Variants in ASH1L observed in about 807,000 individuals in gnomAD.
ASH1L encodes the protein ASH1 like histone lysine methyltransferase.
ASH1L carries 23 observed loss-of-function variants against 269.0 expected under a neutral mutation model. That is an observed-to-expected ratio of 0.09 (90% CI 0.06 to 0.12). The LOEUF is 0.12. Ranked by LOEUF, ASH1L falls within the 10% of genes least tolerant of loss-of-function variation. The pLI is 1.00. For missense variants in ASH1L, 2,912 were observed against 3,567.8 expected, an observed-to-expected ratio of 0.82 and a Z score of 4.68; for synonymous variants, 1,187 against 1,253.5, an observed-to-expected ratio of 0.95 and a Z score of 1.12.
At chr1:155,563,053 C>T (rs1357818578), upstream of ASH1L, 2 of 458,720 alleles carry the variant, frequency 4.4e-6, no homozygotes, top group Non-Finnish European at 8.8e-6. Flanking sequence ...AATGGCGGAC[C>T]GAGCCCCACG....
At chr1:155,519,308 C>G (rs535397183) in intron 2 of ASH1L, among the ~76,000 whole-genome samples, 1 of 151,990 alleles carries the variant, frequency 6.6e-6, no homozygotes, top group African/African-American at 2.4e-5. Flanking sequence ...TGGTGGCACA[C>G]GCCTGTAATC....
chr1:155,467,182 A>G (rs1172318272), intron 3 of ASH1L, among the ~76,000 whole-genome samples: 3 of 152,212 alleles, frequency 2.0e-5, no homozygotes, highest in African/African-American at 7.2e-5. Flanking sequence ...TGTCATGTGT[A>G]GCCAGCCATG....
At chr1:155,512,057 C>T (rs1668194757) in intron 2 of ASH1L, among the ~76,000 whole-genome samples, 1 of 152,118 alleles carries the variant, frequency 6.6e-6, no homozygotes, top group Admixed American at 6.5e-5. Flanking sequence ...GGTGATCCAC[C>T]CGCCTGGGTC....
Position 155,352,718 on chromosome 1 carries a change from T to G in ASH1L, c.7354A>C (p.Ile2452Leu). 1 of 1,608,380 alleles carries G rather than the reference T, an allele frequency of 6.2e-7. No homozygotes were observed. Among genetic ancestry groups the G allele is most frequent in the Non-Finnish European group, 8.5e-7 (1 of 1,178,486 alleles). ...QIFKEICDGIISYKDSSRQAL... is the reference protein window; with the variant it reads ...QIFKEICDGILSYKDSSRQAL... ...TGGTTATAGTCACCTTTATAAGAGA[T>G]GATACCATCACAAATTTCTTTGAAG... Residue 2452 changes from isoleucine to leucine, a missense_variant, in exon 17 of 28, where the codon ATC (isoleucine) becomes CTC (leucine). By Grantham distance (5) the Ile-to-Leu change is conservative. Transcript: ENST00000392403.
Position 155,374,097 on chromosome 1 carries a change from G to C in ASH1L, c.6333-3114C>G, listed in dbSNP as rs549019419. Among the ~76,000 whole-genome samples the C allele has an allele frequency of 5.3e-5, 8 of 152,338 alleles. No homozygotes were observed. In the South Asian group the frequency reaches 1.7e-3, roughly 32 times the overall value. On this transcript the variant is annotated intron_variant, in intron 10 of 27. Transcript: ENST00000392403. ...TAATCCCAGCACTTTGGGGGGCAGA[G>C]GCGGGAGGATCACGTGAGGTCAGGA... is the stretch of plus-strand genomic sequence containing the variant.
chr1:155,360,916 G>A (rs1654884611), intron 12 of ASH1L, among the ~76,000 whole-genome samples: 1 of 152,084 alleles, frequency 6.6e-6, no homozygotes, highest in Non-Finnish European at 1.5e-5. Flanking sequence ...CACTTTGGGA[G>A]GTTGAGGTGG....
At chr1:155,457,972 T>C (rs1260354644) in intron 4 of ASH1L, among the ~76,000 whole-genome samples, 1 of 152,200 alleles carries the variant, frequency 6.6e-6, no homozygotes, top group African/African-American at 2.4e-5. Context: ...TACCTCATAT[T>C]ATACTTCATC....
At chr1:155,447,827 T>A (rs1031560031) in intron 4 of ASH1L, among the ~76,000 whole-genome samples, 2 of 152,216 alleles carry the variant, frequency 1.3e-5, no homozygotes, top group Non-Finnish European at 2.9e-5. Flanking sequence ...TTCACTTTAT[T>A]GATTGTATAC....
In ASH1L at chr1:155,352,678, G is replaced by A. The variant is rs574468247; in HGVS notation, c.7366+28C>T. The A allele has an allele frequency of 2.5e-5, 39 of 1,547,988 alleles. No individual in the cohort carries two copies. In the East Asian group the frequency reaches 8.5e-4, roughly 34 times the overall value. ...AAAAAGAAAAAGAAAAAGAAAAAAA[G>A]AACGAATTTGAAGGTGGTTATAGTC... On this transcript the variant is annotated intron_variant, in intron 17 of 27. Transcript: ENST00000392403.
At chr1:155,507,412 T>C (rs1667885247) in intron 2 of ASH1L, among the ~76,000 whole-genome samples, 1 of 152,258 alleles carries the variant, frequency 6.6e-6, no homozygotes, top group Non-Finnish European at 1.5e-5. Flanking sequence ...ATTATAATTA[T>C]GGCTATAAAT....
chr1:155,488,654 G>A (rs1420914933), intron 2 of ASH1L, among the ~76,000 whole-genome samples: 1 of 93,236 alleles, frequency 1.1e-5, no homozygotes, highest in Non-Finnish European at 1.9e-5. Flanking sequence ...GGGCAACAGA[G>A]CAAGACTCTG....
chr1:155,535,943 A>G (rs990298651), intron 1 of ASH1L, among the ~76,000 whole-genome samples: 1 of 151,994 alleles, frequency 6.6e-6, no homozygotes, highest in Non-Finnish European at 1.5e-5. Flanking sequence ...GATTGCAGTG[A>G]GCCGAGATCG....
In ASH1L at chr1:155,548,377, C is replaced by T. The variant is rs183825280; in HGVS notation, c.-100+13776G>A. ...TCTCTACTAAAAATACAAAAATTAG[C>T]CGGGCGTGTTTGGCACATGCCTGTA... On this transcript the variant is annotated intron_variant, in intron 1 of 27. Transcript: ENST00000392403. 1.1e-4 allele frequency among the ~76,000 whole-genome samples: 16 copies of T among 152,078 alleles called. No individual in the cohort carries two copies. The East Asian group carries it at 3.1e-3, about 29-fold the overall frequency.
At chr1:155,420,506 A>T (rs1660585859) in intron 5 of ASH1L, among the ~76,000 whole-genome samples, 2 of 151,778 alleles carry the variant, frequency 1.3e-5, no homozygotes, top group Admixed American at 1.3e-4. Context: ...ACCAAAATAT[A>T]AATCTAACAA....
intron 5 of ASH1L, among the ~76,000 whole-genome samples, chr1:155,418,775 A>C (rs1173670002): frequency 6.6e-6 from 1 of 152,200 alleles, no homozygotes; most frequent in African/African-American, 2.4e-5. Context: ...AAGAAAACAA[A>C]AGAAGCTAAA....
intron 12 of ASH1L, among the ~76,000 whole-genome samples, chr1:155,361,429 A>C (rs964698482): frequency 2.7e-5 from 4 of 150,124 alleles, no homozygotes; most frequent in Non-Finnish European, 5.9e-5. Flanking sequence ...AGGCAGGAGA[A>C]TAGCTTGAAC....
chr1:155,479,776 T>G lies in ASH1L; in HGVS notation c.3094A>C (p.Lys1032Gln). The G allele has an allele frequency of 6.2e-7, 1 of 1,614,192 alleles. No individual in the cohort carries two copies. Among genetic ancestry groups the G allele is most frequent in the African/African-American group, 1.3e-5 (1 of 75,060 alleles). ...CTGACATTTATCTGTTGGCCCAATT[T>G]AGAGCCAAATGTGGCAGCAAGACTT... Reference protein sequence around the residue: ...VSSLAATFGSKLGQQINVSKK... With the variant: ...VSSLAATFGSQLGQQINVSKK... The change falls in exon 3 of 28, where the codon AAA (lysine) becomes CAA (glutamine). Residue 1032 changes from lysine (K) to glutamine (Q), a missense_variant. By Grantham distance (53) the Lys-to-Gln change is moderately conservative (BLOSUM62 1). Around this residue, in one of 13 missense-constraint regions of ASH1L, gnomAD observed 715 missense variants for 721.0 expected, o/e 0.99. Transcript: ENST00000392403.
intron 5 of ASH1L, among the ~76,000 whole-genome samples, chr1:155,426,001 G>A (rs1166652638): frequency 5.3e-5 from 8 of 151,620 alleles, no homozygotes; most frequent in African/African-American, 1.7e-4. Context: ...CCATTCTCCT[G>A]CCTCAGCCTC....
chr1:155,370,471 G>C, intron 12 of ASH1L, 33 bp downstream of exon 12: 1 of 1,611,922 alleles, frequency 6.2e-7, no homozygotes, highest in Non-Finnish European at 8.5e-7. Flanking sequence ...TATTCTGCTG[G>C]ATTCTTGTCT....
Sources: gnomAD v4.1 joint callset for allele counts (sites outside exome capture counted in the v4.1 genomes callset) on GRCh38, gnomAD v4.1.1 for gene constraint, gnomAD v4.1.1 regional missense constraint, MANE v1.5 for transcripts, NCBI Gene and HGNC (gene_info 2026-07-23, HGNC 2026-07-21) for gene names.